RAF1: variants seen among roughly 807,000 people sequenced by gnomAD.
RAF1 encodes the protein Raf-1 proto-oncogene, serine/threonine kinase, also known as RAF proto-oncogene serine/threonine-protein kinase.
A neutral mutation model predicts 81.1 loss-of-function variants in RAF1; 27 were observed. That is an observed-to-expected ratio of 0.33 (90% CI 0.25 to 0.46). The LOEUF (loss-of-function observed/expected upper bound fraction) is 0.46. Among genes scored for constraint, RAF1 ranks in the 20% least tolerant of loss-of-function variants. RAF1 has a pLI of 1.00. For synonymous variants in RAF1, 298 were observed against 294.0 expected (o/e 1.01, Z -0.14); for missense variants, 598 against 826.0 (o/e 0.72, Z 3.38).
intron 11 of RAF1, chr3:12,592,164 G>C: frequency 2.9e-6 from 1 of 350,696 alleles, no homozygotes; most frequent in African/African-American, 2.1e-5. Flanking sequence ...ACCAACCCTG[G>C]CAAGCCACAG....
At chr3:12,611,893 T>C (rs946885344) in intron 3 of RAF1, 57 bp downstream of exon 3, 9 of 1,207,468 alleles carry the variant, frequency 7.5e-6, no homozygotes, top group South Asian at 6.0e-5. Flanking sequence ...ACATAGCTAT[T>C]TGAAGCTAGA....
intron 1 of RAF1, among the ~76,000 whole-genome samples, chr3:12,648,125 A>C (rs1169169934): frequency 1.3e-5 from 2 of 152,144 alleles, no homozygotes; most frequent in Non-Finnish European, 2.9e-5. Context: ...TTTCACCTTC[A>C]AATCAGTCAT....
chr3:12,617,669 T>A (rs1451944154), intron 2 of RAF1, among the ~76,000 whole-genome samples: 1 of 151,944 alleles, frequency 6.6e-6, no homozygotes, highest in Non-Finnish European at 1.5e-5. Context: ...GTGGATTACC[T>A]GAGGTCAGGA....
chr3:12,611,839 G>A (rs576024883), intron 3 of RAF1, 111 bp downstream of exon 3: 47 of 832,896 alleles, frequency 5.6e-5, no homozygotes, highest in Admixed American at 3.9e-4. Flanking sequence ...GAAAGGTATA[G>A]AAATATACAA....
chr3:12,652,149 G>C lies in RAF1; in HGVS notation c.-27+11664C>G, dbSNP rs148127799. On this transcript the variant is annotated intron_variant, in intron 1 of 17. Coordinates refer to ENST00000442415, the MANE Select transcript of RAF1 (RefSeq NM_001354689.3). ...GAGAATCGCTTGAACCCAGGAGGCA[G>C]AGTCTGCAGTAAGCCAACATCATGC... is the stretch of plus-strand genomic sequence containing the variant. Among the ~76,000 whole-genome samples the C allele has an allele frequency of 4.6e-3, 698 of 151,890 alleles. 3 individuals are homozygous for C. The highest frequency in any genetic ancestry group is 7.9e-3 in the Non-Finnish European group (536 of 67,980).
At chr3:12,630,537 G>T (rs548677251) in intron 1 of RAF1, among the ~76,000 whole-genome samples, 23 of 152,278 alleles carry the variant, frequency 1.5e-4, no homozygotes, top group Non-Finnish European at 8.8e-5. Flanking sequence ...CAACGAAGAG[G>T]TAACTGCTGA....
intron 1 of RAF1, among the ~76,000 whole-genome samples, chr3:12,646,371 GTTTCT>G (rs5846780): frequency 0.21 from 31,878 of 151,698 alleles, 3,551 homozygotes; most frequent in African/African-American, 0.29. Context: ...GATATTACCG[GTTTCT>G]TTTAAGTCTT....
At chr3:12,656,518 G>C (rs2125581509) in intron 1 of RAF1, among the ~76,000 whole-genome samples, 1 of 152,262 alleles carries the variant, frequency 6.6e-6, no homozygotes, top group East Asian at 1.9e-4. Flanking sequence ...TAAGCATTTT[G>C]GAGAGATGGC....
At chr3:12,585,082 C>T (rs1317752632) in intron 16 of RAF1, 40 bp downstream of exon 15, 2 of 1,614,092 alleles carry the variant, frequency 1.2e-6, no homozygotes, top group Non-Finnish European at 1.7e-6. Context: ...GGCCCAGGGG[C>T]TCCCACGAGT....
At chr3:12,605,884 C>T (rs1000066616) in intron 6 of RAF1, among the ~76,000 whole-genome samples, 2 of 152,146 alleles carry the variant, frequency 1.3e-5, no homozygotes, top group Non-Finnish European at 2.9e-5. Context: ...AGGACCCTTT[C>T]CATTGAGGTT....
intron 1 of RAF1, among the ~76,000 whole-genome samples, chr3:12,633,301 T>C (rs2059915907): frequency 6.6e-6 from 1 of 151,462 alleles, no homozygotes; most frequent in East Asian, 2.0e-4. Context: ...GACAACACAG[T>C]AAGACCCTCA....
At chr3:12,653,379 T>C (rs1007098055) in intron 1 of RAF1, among the ~76,000 whole-genome samples, 7 of 152,320 alleles carry the variant, frequency 4.6e-5, no homozygotes, top group African/African-American at 1.7e-4. Flanking sequence ...ACAAGTTGCA[T>C]GTGTCCACTT....
intron 1 of RAF1, among the ~76,000 whole-genome samples, chr3:12,653,048 G>GA (rs2060583103): frequency 6.6e-6 from 1 of 152,160 alleles, no homozygotes; most frequent in Non-Finnish European, 1.5e-5. Context: ...TTGGGAGGAT[G>GA]ATGCGGGTAG....
chr3:12,659,113 G>GA (rs892123882), intron 1 of RAF1, among the ~76,000 whole-genome samples: 2 of 151,966 alleles, frequency 1.3e-5, no homozygotes, highest in East Asian at 3.9e-4. Context: ...TCTAAGGCAA[G>GA]AAAAAAATAG....
In RAF1 at chr3:12,663,083, A is replaced by C. The variant is rs961036626; in HGVS notation, c.-27+730T>G. Among the ~76,000 whole-genome samples the C allele has an allele frequency of 2.0e-5, 3 of 152,302 alleles. No individual in the cohort carries two copies. The East Asian group carries it at 5.8e-4, about 29-fold the overall frequency. Reference sequence around the variant, plus strand: ...GCCCTAGAACGAGAACAATGAATGAACACGGCCGCCTCGCCTCTCACGACG... The same window carrying C: ...GCCCTAGAACGAGAACAATGAATGACCACGGCCGCCTCGCCTCTCACGACG... On this transcript the variant is annotated intron_variant, in intron 1 of 17. Transcript: ENST00000442415.
At position 12,655,091 on chromosome 3, in the gene RAF1, TTTTA is replaced by T. The variant is rs1180150704; in HGVS notation, c.-27+8718_-27+8721del. On this transcript the variant is annotated intron_variant, in intron 1 of 17. Transcript: ENST00000442415. Reference sequence around the variant, plus strand: ...CACTTCACAGTCATTAGGGTTGTTATTTTATTTATTTATTTTTTGAGACGAAGTC... The same window carrying T: ...CACTTCACAGTCATTAGGGTTGTTATTTTATTTATTTTTTGAGACGAAGTC... Among the ~76,000 whole-genome samples, 7 of 151,830 alleles carry T rather than the reference TTTTA, an allele frequency of 4.6e-5. No individual in the cohort carries two copies. In the East Asian group the frequency reaches 5.8e-4, roughly 13 times the overall value.
At chr3:12,637,800 C>G (rs2060075629) in intron 1 of RAF1, among the ~76,000 whole-genome samples, 1 of 151,992 alleles carries the variant, frequency 6.6e-6, no homozygotes, top group African/African-American at 2.4e-5. Flanking sequence ...TTGCAGTGAG[C>G]CGAAATTGCA....
At chr3:12,644,636 T>C (rs773086890) in intron 1 of RAF1, among the ~76,000 whole-genome samples, 15 of 152,234 alleles carry the variant, frequency 9.9e-5, no homozygotes, top group Admixed American at 5.9e-4. Context: ...AATCTTCCTA[T>C]TGCCCTTTCT....
At chr3:12,592,069 A>G (rs1172321726) in intron 11 of RAF1, 1 of 473,608 alleles carries the variant, frequency 2.1e-6, no homozygotes, top group African/African-American at 2.0e-5. Flanking sequence ...CAATCTCTAC[A>G]TAATTCAAAT....
Sources: allele counts gnomAD v4.1 joint callset (sites outside exome capture counted in the v4.1 genomes callset), GRCh38; gene constraint gnomAD v4.1.1; transcripts MANE v1.5; gene names NCBI Gene and HGNC (gene_info 2026-07-23, HGNC 2026-07-21).